The following SPINK5 variants were observed in gnomAD, a reference collection of about 807,000 sequenced individuals.
SPINK5 encodes serine protease inhibitor Kazal-type 5.
Under a neutral mutation model 151.8 loss-of-function variants are expected in SPINK5, and 125 were observed. The observed-to-expected ratio is 0.82, with a 90% CI of 0.71 to 0.96. The LOEUF (loss-of-function observed/expected upper bound fraction) is 0.96, where lower values mean the gene tolerates loss of function less well. Ranked by LOEUF, SPINK5 falls within the 40% of genes least tolerant of loss-of-function variation. The probability of loss-of-function intolerance (pLI) is 0.00; values close to 1 mark genes in which losing one functional copy is unlikely to be tolerated. For missense variants in SPINK5, 1,194 were observed against 1,291.9 expected (o/e 0.92, Z 1.16); for synonymous variants, 374 against 395.3 (o/e 0.95, Z 0.64).
At chr5:148,064,228 GAC>G in intron 1 of SPINK5, 129 bp downstream of exon 1, 3 of 943,368 alleles carry the variant, frequency 3.2e-6, no homozygotes, top group African/African-American at 1.6e-5. Context: ...TGTCTTGCCA[GAC>G]ACAGAGTTCT....
Position 148,065,434 on chromosome 5 carries a change from T to C in SPINK5, c.81+62T>C. On this transcript the variant is annotated intron_variant, in intron 2 of 32. Coordinates refer to ENST00000256084, the MANE Select transcript of SPINK5 (RefSeq NM_006846.4). ...AAGATTCCCAAAGAAAAGTGGTTTG[T>C]GGCCAACACCTTCATGTTAATAATA... is the stretch of plus-strand genomic sequence containing the variant. 6.4e-6 allele frequency: 10 copies of C among 1,557,202 alleles called. No homozygotes were observed. The South Asian group carries it at 1.1e-4, about 17-fold the overall frequency.
intron 3 of SPINK5, 120 bp from the exon 4 acceptor site, chr5:148,072,028 A>G (rs1019507904): frequency 2.1e-5 from 19 of 902,430 alleles, no homozygotes; most frequent in Non-Finnish European, 3.2e-5. Flanking sequence ...CATGCTACCA[A>G]TTTTGACATG....
At chr5:148,094,753 G>A (rs1452315177) in intron 9 of SPINK5, among the ~76,000 whole-genome samples, 2 of 151,954 alleles carry the variant, frequency 1.3e-5, no homozygotes, top group Non-Finnish European at 2.9e-5. Context: ...TGACCTATGT[G>A]AAACTGTTTG....
At chr5:148,086,842 G>A (rs1280322717) in intron 5 of SPINK5, among the ~76,000 whole-genome samples, 3 of 149,816 alleles carry the variant, frequency 2.0e-5, no homozygotes, top group South Asian at 2.1e-4. Flanking sequence ...TATTTAAAAT[G>A]TATAATAAAA....
Position 148,133,906 on chromosome 5 carries a change from T to C in SPINK5, c.3186+19T>C. On this transcript the variant is annotated intron_variant, in intron 32 of 32. Coordinates refer to ENST00000256084, the MANE Select transcript of SPINK5 (RefSeq NM_006846.4). ...CCCGTCTGTAAGTACATAAGTAGAC[T>C]GGCCTCCATGGTTACGTTGTGAGGA... 6.2e-7 allele frequency: 1 copy of C among 1,612,726 alleles called. No individual in the cohort carries two copies. The highest frequency in any genetic ancestry group is 8.5e-7 in the Non-Finnish European group (1 of 1,178,876).
At chr5:148,069,271 T>C (rs1473335973) in intron 2 of SPINK5, among the ~76,000 whole-genome samples, 2 of 151,872 alleles carry the variant, frequency 1.3e-5, no homozygotes, top group African/African-American at 4.8e-5. Flanking sequence ...TAATATTTAA[T>C]ATTGAATGAA....
At chr5:148,068,888 G>A (rs1282495762) in intron 2 of SPINK5, among the ~76,000 whole-genome samples, 3 of 152,126 alleles carry the variant, frequency 2.0e-5, no homozygotes, top group African/African-American at 7.2e-5. Flanking sequence ...ATCATTTGAG[G>A]TCAGGAGTTC....
Position 148,116,351 on chromosome 5 carries a change from C to T in SPINK5, c.2016-19C>T. The T allele has an allele frequency of 1.9e-6, 3 of 1,612,856 alleles. No individual in the cohort carries two copies. Among genetic ancestry groups the T allele is most frequent in the Non-Finnish European group, 2.5e-6 (3 of 1,178,944 alleles). ...CTCTGTAATCTATTGTTCCCTACCT[C>T]CCACTTTCTAATTTCCAGCCAGAAA... is the stretch of plus-strand genomic sequence containing the variant. On this transcript the variant is annotated intron_variant, in intron 21 of 32. Transcript: ENST00000256084.
rs180703719 is a variant in SPINK5, at chr5:148,065,778, A to G, written c.81+406A>G. Among the ~76,000 whole-genome samples the G allele has an allele frequency of 3.1e-3, 471 of 152,318 alleles. 1 individual carries two copies. The highest frequency in any genetic ancestry group is 4.5e-3 in the Non-Finnish European group (308 of 68,020). ...CAAAAGAGGGTGGTCTGTATCTTGT[A>G]TATAGTCGGTGTATATAGTTCATGT... is the stretch of plus-strand genomic sequence containing the variant. On this transcript the variant is annotated intron_variant, in intron 2 of 32. Transcript: ENST00000256084.
At chr5:148,099,416 A>G in intron 12 of SPINK5, 101 bp downstream of exon 12, 1 of 929,082 alleles carries the variant, frequency 1.1e-6, no homozygotes, top group East Asian at 2.6e-5. Flanking sequence ...TCCCCAGAAT[A>G]TCTTAACTCT....
chr5:148,087,866 A>G (rs756218969), intron 5 of SPINK5, among the ~76,000 whole-genome samples: 1 of 151,788 alleles, frequency 6.6e-6, no homozygotes, highest in Non-Finnish European at 1.5e-5. Flanking sequence ...TTATTTTTAT[A>G]GTGCCCCTCA....
rs201831966 is a variant in SPINK5 at position 148,107,162 on chromosome 5, G to A, written c.1605G>A (p.Val535=). ...ACAAGTGTGCCATGTGTGCCAGTGT[G>A]TTGTGAGTGTCCACCCCATCTCTCC... ...HGNKCAMCAS[V]FKLEEEEKKN... is the part of the protein sequence containing the mutation. Residue 535 remains valine (V), a splice_region_variant and synonymous_variant, in exon 17 of 33, where the codon GTG becomes GTA. Transcript: ENST00000256084. The A allele has an allele frequency of 1.2e-6, 2 of 1,611,752 alleles. No homozygotes were observed.
chr5:148,075,539 T>C (rs184524315), intron 4 of SPINK5, among the ~76,000 whole-genome samples: 2 of 151,876 alleles, frequency 1.3e-5, no homozygotes, highest in East Asian at 3.9e-4. Flanking sequence ...CTTATCTGGC[T>C]TGGGAATTTA....
chr5:148,101,873 G>C lies in SPINK5; in HGVS notation c.1395G>C (p.Met465Ile). 6.2e-7 allele frequency: 1 copy of C among 1,613,778 alleles called. No homozygotes were observed. Among genetic ancestry groups the C allele is most frequent in the Non-Finnish European group, 8.5e-7 (1 of 1,179,762 alleles). The change falls in exon 15 of 33, where the codon ATG becomes ATC. Residue 465 changes from methionine (M) to isoleucine (I), a missense_variant. Physicochemically the swap from Met to Ile is conservative, Grantham distance 10. Coordinates refer to ENST00000256084, the MANE Select transcript of SPINK5 (RefSeq NM_006846.4). Reference protein sequence around the residue: ...NDPIQGPDGKMHGNTCSMCEA... With the variant: ...NDPIQGPDGKIHGNTCSMCEA... Reference sequence around the variant, plus strand: ...CCATCCAGGGCCCAGATGGAAAAATGCATGGCAACACCTGCTCCATGTGTG... The same window carrying C: ...CCATCCAGGGCCCAGATGGAAAAATCCATGGCAACACCTGCTCCATGTGTG...
intron 16 of SPINK5, among the ~76,000 whole-genome samples, chr5:148,106,126 CCT>C (rs1358649066): frequency 2.0e-5 from 3 of 151,852 alleles, no homozygotes; most frequent in Non-Finnish European, 4.4e-5. Flanking sequence ...GCTGCCAAAT[CCT>C]CTTAGATATT....
At chr5:148,123,718 T>C in intron 26 of SPINK5, 115 bp from the exon 27 acceptor site, 1 of 1,452,560 alleles carries the variant, frequency 6.9e-7, no homozygotes, top group Admixed American at 1.9e-5. Context: ...TCTCTGAAAT[T>C]TCACTTCTCT....
chr5:148,082,786 T>C lies in SPINK5; in HGVS notation c.283-3619T>C, dbSNP rs1225591212. Among the ~76,000 whole-genome samples the C allele has an allele frequency of 5.1e-5, 3 of 58,304 alleles. 1 individual carries two copies. Among genetic ancestry groups the C allele is most frequent in the Non-Finnish European group, 8.5e-5 (3 of 35,444 alleles). 38.2% of individuals were successfully genotyped at this position (58,304 alleles called of 152,430 possible). A position where few individuals can be genotyped will look rare whatever the true frequency, so the allele number is the denominator to read the frequency against. ...CACCTCGCCCGGCTAATTTTTTGTA[T>C]TTTTAGTAGAGACAGGGTTTCACCG... On this transcript the variant is annotated intron_variant, in intron 4 of 32. Transcript: ENST00000256084.
At chr5:148,120,507 T>A in intron 26 of SPINK5, 116 bp downstream of exon 26, 1 of 1,317,626 alleles carries the variant, frequency 7.6e-7, no homozygotes, top group Non-Finnish European at 1.1e-6. Context: ...GATATAACGG[T>A]AAACAATGAA....
chr5:148,088,612 T>A lies in SPINK5; in HGVS notation c.474+7T>A, dbSNP rs913064627. 1.2e-6 allele frequency: 2 copies of A among 1,611,116 alleles called. No homozygotes were observed. The highest frequency in any genetic ancestry group is 8.5e-7 in the Non-Finnish European group (1 of 1,178,218). On this transcript the variant is annotated splice_region_variant and intron_variant, in intron 6 of 32. Coordinates refer to ENST00000256084, the MANE Select transcript of SPINK5 (RefSeq NM_006846.4). ...GAGCAGTAATCCAGAGCAGGTGAGG[T>A]CAATTGTCAGCCTGATGGGAAATAC...
Sources: gnomAD v4.1 joint callset for allele counts (sites outside exome capture counted in the v4.1 genomes callset) on GRCh38, gnomAD v4.1.1 for gene constraint, MANE v1.5 for transcripts, NCBI Gene and HGNC (gene_info 2026-07-23, HGNC 2026-07-21) for gene names.